Variants in MZT2A observed in about 807,000 individuals in gnomAD.
The protein encoded by MZT2A is mitotic-spindle organizing protein 2A.
MZT2A carries 8 observed loss-of-function variants against 12.4 expected under a neutral mutation model. The ratio of observed to expected loss-of-function variants is 0.64; its 90% CI spans 0.38 to 1.16. MZT2A has a LOEUF of 1.16. Ranked by LOEUF, MZT2A falls within the 50% of genes most tolerant of loss-of-function variation. The pLI is 0.01. For synonymous variants in MZT2A, 88 were observed against 107.5 expected (o/e 0.82, Z 1.12); for missense variants, 181 against 223.6 (o/e 0.81, Z 1.22).
At chr2:131,493,022 G>A, upstream of MZT2A, 1 of 1,489,418 alleles carries the variant, frequency 6.7e-7, no homozygotes, top group Non-Finnish European at 9.0e-7. Context: ...AGAGGTAGAA[G>A]CGCTTTTCCC....
At chr2:131,484,243 T>C in intron 2 of MZT2A, 25 bp from the exon 3 acceptor site, 5 of 1,610,022 alleles carry the variant, frequency 3.1e-6, no homozygotes, top group South Asian at 1.1e-5. Context: ...AGCACAATGA[T>C]TAGGAATGGA....
intron 2 of MZT2A, chr2:131,490,516 T>C: frequency 6.9e-7 from 1 of 1,439,260 alleles, no homozygotes; most frequent in Non-Finnish European, 9.1e-7. Context: ...AGCCCGACTG[T>C]GGGGTCTAGA....
At chr2:131,480,023 GTGTGGCT>G (rs2104724745), downstream of MZT2A, 1 of 1,532,830 alleles carries the variant, frequency 6.5e-7, no homozygotes, top group African/African-American at 1.4e-5. Flanking sequence ...GAGGTTGGTG[GTGTGGCT>G]TCCATGGGCA....
chr2:131,484,139 C>T lies in MZT2A; in HGVS notation c.399G>A (p.Arg133=), dbSNP rs566241996. ...TGGTAGCGCTGGGCTGGCGTGGCATCCTCTGGCTGGATCCCTCGTGGTTGC... is the reference window on the plus strand; with the variant it reads ...TGGTAGCGCTGGGCTGGCGTGGCATTCTCTGGCTGGATCCCTCGTGGTTGC... ...ERSNHEGSSQ[R]MPRQPSATRL... is the part of the protein sequence containing the mutation. The change falls in exon 3 of 3, where the codon AGG becomes AGA. Residue 133 remains arginine (R), a synonymous_variant. Coordinates refer to ENST00000309451, the MANE Select transcript of MZT2A (RefSeq NM_001085365.2). 6 of 1,614,124 alleles carry T rather than the reference C, an allele frequency of 3.7e-6. No individual in the cohort carries two copies. Among genetic ancestry groups the T allele is most frequent in the African/African-American group, 1.3e-5 (1 of 75,044 alleles).
At chr2:131,474,622 C>T (rs1479155391) in intron 2 of MZT2A, among the ~76,000 whole-genome samples, 1 of 151,180 alleles carries the variant, frequency 6.6e-6, no homozygotes, top group Non-Finnish European at 1.5e-5. Context: ...GTTGGCCAGA[C>T]TGGTCTTGAA....
intron 3 of MZT2A, among the ~76,000 whole-genome samples, chr2:131,470,949 T>C: frequency 7.2e-6 from 1 of 139,128 alleles, no homozygotes; most frequent in Non-Finnish European, 1.5e-5. Flanking sequence ...ACTCCCTGGG[T>C]GGAGGGCCAC....
chr2:131,472,843 G>GGCTACA (rs1678495129), intron 2 of MZT2A, among the ~76,000 whole-genome samples: 1 of 152,088 alleles, frequency 6.6e-6, no homozygotes, highest in South Asian at 2.1e-4. Flanking sequence ...GTGTGATGTG[G>GGCTACA]GCTACAGCTG....
intron 2 of MZT2A, among the ~76,000 whole-genome samples, chr2:131,475,631 C>G (rs998414660): frequency 6.6e-6 from 1 of 152,124 alleles, no homozygotes; most frequent in African/African-American, 2.4e-5. Flanking sequence ...GCGCCCGGCC[C>G]GTTTTCTCCT....
downstream of MZT2A, chr2:131,480,823 A>G (rs1374970213): frequency 3.2e-6 from 5 of 1,558,556 alleles, no homozygotes; most frequent in African/African-American, 6.8e-5. Flanking sequence ...GAAGGCCCAC[A>G]TCCTTTGGGG....
At chr2:131,492,531 G>T (rs13002421), upstream of MZT2A, 6 of 1,119,042 alleles carry the variant, frequency 5.4e-6, no homozygotes, top group Non-Finnish European at 6.5e-6. Context: ...CGGCGTCATT[G>T]GAGCCCAACA....
chr2:131,491,765 A>C (rs1341764741), intron 2 of MZT2A, 111 bp downstream of exon 2: 2 of 1,432,926 alleles, frequency 1.4e-6, no homozygotes, highest in Non-Finnish European at 1.9e-6. Flanking sequence ...GCCTAGACCG[A>C]CCGACAGACA....
rs541733720 is a variant in MZT2A, at chr2:131,487,104, A to G, written c.320-2886T>C. ...TGGCTGCAGGTTGGGGTGTGAGGGC[A>G]GGGTGACTGATGCCCCTACACCTGG... On this transcript the variant is annotated intron_variant, in intron 2 of 2. Coordinates refer to ENST00000309451, the MANE Select transcript of MZT2A (RefSeq NM_001085365.2). Among the ~76,000 whole-genome samples, 351 of 152,226 alleles carry G rather than the reference A, an allele frequency of 2.3e-3. 1 individual carries two copies. The highest frequency in any genetic ancestry group is 4.8e-3 in the African/African-American group (198 of 41,540).
intron 2 of MZT2A, chr2:131,486,515 C>A (rs558909788): frequency 6.6e-6 from 1 of 152,650 alleles, no homozygotes; most frequent in African/African-American, 2.4e-5. Context: ...TTCAGTTTGC[C>A]GCCATCTGAG....
chr2:131,476,205 A>G, intron 2 of MZT2A: 1 of 1,613,918 alleles, frequency 6.2e-7, no homozygotes, highest in Non-Finnish European at 8.5e-7. Flanking sequence ...TCGCCATGGT[A>G]AGGCCCGGGT....
chr2:131,471,709 A>G (rs1430429472), intron 3 of MZT2A, among the ~76,000 whole-genome samples: 1 of 150,808 alleles, frequency 6.6e-6, no homozygotes, highest in African/African-American at 2.5e-5. Flanking sequence ...TGCAGATAAC[A>G]CAGTGCCCTC....
intron 2 of MZT2A, chr2:131,478,229 G>A (rs1209645655): frequency 6.2e-7 from 1 of 1,613,998 alleles, no homozygotes. Flanking sequence ...GCTGGGAACT[G>A]TACTGCCTTG....
downstream of MZT2A, chr2:131,483,884 C>T: frequency 7.4e-7 from 1 of 1,343,124 alleles, no homozygotes; most frequent in Non-Finnish European, 9.6e-7. Context: ...CACTGTGGCA[C>T]AACCAGGACC....
At chr2:131,472,176 C>G in exon 3 of MZT2A, 1 of 1,287,702 alleles carries the variant, frequency 7.8e-7, no homozygotes. Context: ...CAAGTTGTCA[C>G]TCAAGCCTGT....
intron 2 of MZT2A, chr2:131,478,853 C>T (rs938054306): frequency 2.4e-5 from 5 of 209,538 alleles, no homozygotes; most frequent in African/African-American, 9.2e-5. Context: ...CAGCACCTTT[C>T]AGTGGCCCCC....
Sources: gnomAD v4.1 joint callset for allele counts (sites outside exome capture counted in the v4.1 genomes callset) on GRCh38, gnomAD v4.1.1 for gene constraint, MANE v1.5 for transcripts, NCBI Gene and HGNC (gene_info 2026-07-23, HGNC 2026-07-21) for gene names.